The following KSR2 variants were observed in gnomAD, a reference collection of about 807,000 sequenced individuals.
KSR2 encodes the protein kinase suppressor of ras 2.
A neutral mutation model predicts 107.8 loss-of-function variants in KSR2; 25 were observed. That is an observed-to-expected ratio of 0.23 (90% CI 0.17 to 0.32). The LOEUF is 0.32. KSR2 is among the 10% of genes least tolerant of loss of function. The pLI, the probability that KSR2 is intolerant of heterozygous loss-of-function variation, is 1.00. For missense variants in KSR2, 887 were observed against 1,268.9 expected, an observed-to-expected ratio of 0.70 and a Z score of 4.57; for synonymous variants, 480 against 507.0, an observed-to-expected ratio of 0.95 and a Z score of 0.71.
At chr12:117,610,036 G>A (rs545288713) in intron 5 of KSR2, among the ~76,000 whole-genome samples, 10 of 152,194 alleles carry the variant, frequency 6.6e-5, no homozygotes, top group South Asian at 6.2e-4. Flanking sequence ...TGCATGACTC[G>A]CCCAGATACA....
At chr12:117,962,010 T>G (rs905916802) in intron 1 of KSR2, among the ~76,000 whole-genome samples, 4 of 151,882 alleles carry the variant, frequency 2.6e-5, no homozygotes, top group Non-Finnish European at 4.4e-5. Flanking sequence ...CTGGGTGCAG[T>G]GACATGTGGC....
intron 4 of KSR2, among the ~76,000 whole-genome samples, chr12:117,695,707 T>G: frequency 7.1e-6 from 1 of 140,478 alleles, no homozygotes. Context: ...TGAGATCCTG[T>G]CTCAAACAAA....
chr12:117,491,532 G>A (rs1872743644), intron 14 of KSR2, among the ~76,000 whole-genome samples: 1 of 152,156 alleles, frequency 6.6e-6, no homozygotes, highest in Non-Finnish European at 1.5e-5. Context: ...TGTCCTCTAG[G>A]TTCATTCATG....
intron 4 of KSR2, among the ~76,000 whole-genome samples, chr12:117,683,364 G>A (rs969155664): frequency 2.6e-5 from 4 of 152,036 alleles, no homozygotes; most frequent in African/African-American, 9.7e-5. Flanking sequence ...TTTTCAAGAA[G>A]TTACACATTG....
At chr12:117,885,118 G>A (rs911625816) in intron 1 of KSR2, among the ~76,000 whole-genome samples, 1 of 152,208 alleles carries the variant, frequency 6.6e-6, no homozygotes, top group Non-Finnish European at 1.5e-5. Context: ...GCATGTGGAT[G>A]ATGAAGCTCT....
intron 1 of KSR2, among the ~76,000 whole-genome samples, chr12:117,926,409 A>G (rs1239521012): frequency 6.6e-6 from 1 of 152,232 alleles, no homozygotes; most frequent in Non-Finnish European, 1.5e-5. Context: ...ATGCTCCATA[A>G]TTCCTAATTA....
chr12:117,682,388 C>A (rs1467664145), intron 4 of KSR2, among the ~76,000 whole-genome samples: 1 of 152,094 alleles, frequency 6.6e-6, no homozygotes, highest in African/African-American at 2.4e-5. Context: ...ATGTGACAAA[C>A]CTGCATGTCC....
chr12:117,831,686 T>C (rs1375309592), intron 3 of KSR2, among the ~76,000 whole-genome samples: 2 of 152,240 alleles, frequency 1.3e-5, no homozygotes, highest in African/African-American at 4.8e-5. Context: ...CTTTGTATAT[T>C]TGATTTCACT....
chr12:117,519,035 C>T (rs552101091), intron 14 of KSR2, among the ~76,000 whole-genome samples: 41 of 152,344 alleles, frequency 2.7e-4, no homozygotes, highest in African/African-American at 9.6e-4. Flanking sequence ...AATGCAAAGT[C>T]CACAGTACAA....
chr12:117,761,173 C>T lies in KSR2; in HGVS notation c.824G>A (p.Gly275Asp), dbSNP rs1888996882. The T allele has an allele frequency of 6.2e-7, 1 of 1,601,412 alleles. No individual in the cohort carries two copies. The highest frequency in any genetic ancestry group is 8.5e-7 in the Non-Finnish European group (1 of 1,172,508). The change falls in exon 4 of 20, where the codon GGC (glycine) becomes GAC (aspartate). Residue 275 changes from glycine (G) to aspartate (D), a missense_variant. Coordinates refer to ENST00000339824, the MANE Select transcript of KSR2 (RefSeq NM_173598.6). ...GTTCTTCTTCCTCATGGGCGGCGTG[C>T]CCGGCGGGGTCACGGTGGTGACGAT... ...PNIVTTVTPP[G>D]TPPMRKKNKL...
chr12:117,873,539 C>A (rs1438819217), intron 1 of KSR2, among the ~76,000 whole-genome samples: 5 of 148,668 alleles, frequency 3.4e-5, no homozygotes, highest in African/African-American at 9.9e-5. Context: ...CGGCTCACTG[C>A]AACCTCCACC....
chr12:117,574,522 G>A (rs1291978895), intron 7 of KSR2, among the ~76,000 whole-genome samples: 1 of 152,120 alleles, frequency 6.6e-6, no homozygotes, highest in Non-Finnish European at 1.5e-5. Flanking sequence ...CAAGCGAAAG[G>A]GGTTTCCCCT....
rs555311810 is a variant in KSR2 at position 117,917,974 on chromosome 12, G to A, written c.180+50102C>T. Among the ~76,000 whole-genome samples, 9 of 152,356 alleles carry A rather than the reference G, an allele frequency of 5.9e-5. No individual in the cohort carries two copies. The South Asian group carries it at 1.7e-3, about 28-fold the overall frequency. On this transcript the variant is annotated intron_variant, in intron 1 of 19. Transcript: ENST00000339824. ...CCGTGCTGAGCCCACATTTCTGGAA[G>A]AAAACCTCAGCTGGAACTCAGTAGT...
At chr12:117,782,031 T>A (rs1169360304) in intron 3 of KSR2, among the ~76,000 whole-genome samples, 2 of 152,182 alleles carry the variant, frequency 1.3e-5, no homozygotes, top group Non-Finnish European at 2.9e-5. Flanking sequence ...TTACCAACCC[T>A]GTAGGGCAGT....
intron 1 of KSR2, among the ~76,000 whole-genome samples, chr12:117,885,522 G>GT (rs1894148375): frequency 6.6e-6 from 1 of 151,962 alleles, no homozygotes; most frequent in South Asian, 2.1e-4. Flanking sequence ...GTGTGTGTCT[G>GT]TTTTTTTATA....
rs80205635 is a variant in KSR2 at position 117,513,265 on chromosome 12, A to G, written c.2219+11587T>C. On this transcript the variant is annotated intron_variant, in intron 14 of 19. Transcript: ENST00000339824. ...ATTGATTGAGGAAAGCAGTATTCCC[A>G]GTGGTCAATCAATCCTGATATACTC... is the stretch of plus-strand genomic sequence containing the variant. Among the ~76,000 whole-genome samples, 196 of 152,330 alleles carry G rather than the reference A, an allele frequency of 1.3e-3. 1 individual carries two copies. The highest frequency in any genetic ancestry group is 4.6e-3 in the African/African-American group (193 of 41,576).
At chr12:117,494,350 C>T in intron 14 of KSR2, among the ~76,000 whole-genome samples, 1 of 152,182 alleles carries the variant, frequency 6.6e-6, no homozygotes, top group East Asian at 1.9e-4. Flanking sequence ...GTTAACAAAC[C>T]TGAGCAGGCA....
intron 1 of KSR2, among the ~76,000 whole-genome samples, chr12:117,930,765 T>A (rs550839271): frequency 7.4e-4 from 112 of 152,072 alleles, no homozygotes; most frequent in African/African-American, 2.6e-3. Context: ...AAGACAAAAA[T>A]TAGCCAGACG....
chr12:117,698,104 T>G (rs2136605132), intron 4 of KSR2, among the ~76,000 whole-genome samples: 1 of 152,280 alleles, frequency 6.6e-6, no homozygotes, highest in East Asian at 1.9e-4. Flanking sequence ...GGACAGATTC[T>G]TTTTCCAGCC....
Sources: gnomAD v4.1 joint callset for allele counts (sites outside exome capture counted in the v4.1 genomes callset) on GRCh38, gnomAD v4.1.1 for gene constraint, MANE v1.5 for transcripts, NCBI Gene and HGNC (gene_info 2026-07-23, HGNC 2026-07-21) for gene names.